HMGN2: variants seen among roughly 807,000 people sequenced by gnomAD.
The protein encoded by HMGN2 is high mobility group nucleosomal binding domain 2, also known as non-histone chromosomal protein HMG-17.
In HMGN2, 2 loss-of-function variants were observed where a neutral mutation model predicts 16.9. The observed-to-expected ratio is 0.12, with a 90% CI of 0.05 to 0.37. The LOEUF is 0.37. Among genes scored for constraint, HMGN2 ranks in the 10% least tolerant of loss-of-function variants. The pLI, the probability that HMGN2 is intolerant of heterozygous loss-of-function variation, is 1.00. For missense variants in HMGN2, 90 were observed against 106.0 expected, an observed-to-expected ratio of 0.85 and a Z score of 0.66; for synonymous variants, 31 against 34.9, an observed-to-expected ratio of 0.89 and a Z score of 0.39.
chr1:26,472,806 G>A (rs1249807355), intron 1 of HMGN2, among the ~76,000 whole-genome samples, 179 bp downstream of exon 1: 2 of 151,474 alleles, frequency 1.3e-5, no homozygotes, highest in African/African-American at 4.8e-5. Flanking sequence ...GCTGCCCGCG[G>A]GCGCCAGAGG....
rs1218975174 is a variant in HMGN2, at chr1:26,472,599, TCGCCGC to T, written c.-9_-4del. On this transcript the variant is annotated 5_prime_UTR_variant, in exon 1 of 6. Coordinates refer to ENST00000361427, the MANE Select transcript of HMGN2 (RefSeq NM_005517.4). The stretch of plus-strand genomic sequence containing the variant: ...GTCCAGCACCTACGTCCCGCTGCCG[TCGCCGC>T]CGCCACCATGCCCAAGAGAAAGGTA... 1.7e-5 allele frequency: 26 copies of T among 1,533,320 alleles called. No homozygotes were observed. Among genetic ancestry groups the T allele is most frequent in the East Asian group, 4.9e-5 (2 of 40,844 alleles). The allele number at this position is 1,533,320 out of a possible 1,614,324, so 95.0% of individuals were successfully genotyped here.
At chr1:26,474,435 A>G (rs1049853336) in intron 4 of HMGN2, 137 bp from the exon 5 acceptor site, 82 of 630,000 alleles carry the variant, frequency 1.3e-4, no homozygotes, top group African/African-American at 2.9e-4. Flanking sequence ...CCTAGTTTTG[A>G]TCAGTTGTTC....
chr1:26,473,941 A>G lies in HMGN2; in HGVS notation c.91-144A>G, dbSNP rs1570378719. 1.2e-5 allele frequency: 10 copies of G among 805,666 alleles called. No homozygotes were observed. In the East Asian group the frequency reaches 1.8e-4, roughly 15 times the overall value. 49.9% of individuals were successfully genotyped at this position (805,666 alleles called of 1,614,324 possible). A position where few individuals can be genotyped will look rare whatever the true frequency, so the allele number is the denominator to read the frequency against. On this transcript the variant is annotated intron_variant, in intron 3 of 5. Transcript: ENST00000361427. The stretch of plus-strand genomic sequence containing the variant: ...ATTTGAGTGGGCTTCTGGAAATCCA[A>G]CATTCTAGAAGAAAGCCAACCACAA...
chr1:26,476,609 T>C lies in HMGN2; in HGVS notation c.*1461T>C, dbSNP rs1177817696. Among the ~76,000 whole-genome samples, 1 of 152,244 alleles carries C rather than the reference T, an allele frequency of 6.6e-6. No homozygotes were observed. The highest frequency in any genetic ancestry group is 6.5e-5 in the Admixed American group (1 of 15,290). ...ATTTGCTTTCACAGACCTGGCTGTA[T>C]TGTTGGACAGGAATAAAGTAAATTG... On this transcript the variant is annotated 3_prime_UTR_variant, in exon 6 of 6. Coordinates refer to ENST00000361427, the MANE Select transcript of HMGN2 (RefSeq NM_005517.4).
At chr1:26,474,311 T>C (rs1335013561) in intron 4 of HMGN2, among the ~76,000 whole-genome samples, 176 bp downstream of exon 4, 1 of 152,208 alleles carries the variant, frequency 6.6e-6, no homozygotes, top group Non-Finnish European at 1.5e-5. Flanking sequence ...GTTGTTAGTT[T>C]ATAGGAAAAT....
Position 26,474,539 on chromosome 1 carries a change from G to A in HMGN2, c.142-33G>A, listed in dbSNP as rs766565262. 1.4e-5 allele frequency: 14 copies of A among 1,007,960 alleles called. No individual in the cohort carries two copies. In the Admixed American group the frequency reaches 1.5e-4, roughly 11 times the overall value. The allele number at this position is 1,007,960 out of a possible 1,614,324, so 62.4% of individuals were successfully genotyped here. A position where few individuals can be genotyped will look rare whatever the true frequency, so the allele number is the denominator to read the frequency against. ...ACCATACCTTGGTAATACGAAATGG[G>A]GAGAAACAGTTCTATTTTTTCCCCT... On this transcript the variant is annotated intron_variant, in intron 4 of 5. Coordinates refer to ENST00000361427, the MANE Select transcript of HMGN2 (RefSeq NM_005517.4).
chr1:26,474,208 T>C, intron 4 of HMGN2, 73 bp downstream of exon 4: 1 of 1,078,368 alleles, frequency 9.3e-7, no homozygotes, highest in Non-Finnish European at 1.4e-6. Flanking sequence ...TTAATTAGCA[T>C]AATGGTGCCT....
Position 26,473,694 on chromosome 1 carries a change from C to G in HMGN2, c.61-9C>G. The stretch of plus-strand genomic sequence containing the variant: ...GTCCTATTTCTAACTTTCTCGTTGT[C>G]TTTAATAGCCACAGAGAAGATCCGC... On this transcript the variant is annotated splice_polypyrimidine_tract_variant and intron_variant, in intron 2 of 5. Transcript: ENST00000361427. 2 of 1,613,958 alleles carry G rather than the reference C, an allele frequency of 1.2e-6. No homozygotes were observed. The highest frequency in any genetic ancestry group is 2.2e-5 in the East Asian group (1 of 44,884).
chr1:26,475,735 T>TA lies in HMGN2; in HGVS notation c.*590dup, dbSNP rs1389983991. 9.3e-6 allele frequency: 3 copies of TA among 324,246 alleles called. No individual in the cohort carries two copies. The highest frequency in any genetic ancestry group is 1.8e-5 in the Non-Finnish European group (3 of 165,494). 20.1% of individuals were successfully genotyped at this position (324,246 alleles called of 1,614,324 possible). ...TCAGGGTCGGCTTGTGAAAAGTTGT[T>TA]AAACAACATGCTAAATGTGAAATGT... On this transcript the variant is annotated 3_prime_UTR_variant, in exon 6 of 6. Coordinates refer to ENST00000361427, the MANE Select transcript of HMGN2 (RefSeq NM_005517.4).
At chr1:26,473,793 A>G (rs2075591268) in intron 3 of HMGN2, 61 bp downstream of exon 3, 15 of 1,499,520 alleles carry the variant, frequency 1.0e-5, no homozygotes, top group Admixed American at 8.4e-5. Flanking sequence ...TCAAAAAACA[A>G]TTCCCTTTGC....
At position 26,476,086 on chromosome 1, in the gene HMGN2, CTGA is replaced by C. The variant is rs2124572271; in HGVS notation, c.*940_*942del. The C allele has an allele frequency of 6.1e-6, 1 of 163,876 alleles. No homozygotes were observed. The highest frequency in any genetic ancestry group is 1.8e-4 in the East Asian group (1 of 5,444). 10.2% of individuals were successfully genotyped at this position (163,876 alleles called of 1,614,324 possible). On this transcript the variant is annotated 3_prime_UTR_variant, in exon 6 of 6. Transcript: ENST00000361427. ...TGTACAGTCTAATGATGATCTTTCA[CTGA>C]TTTATAGTCAGCTTCCAAAACACAC...
chr1:26,472,835 G>A (rs2075580866), intron 1 of HMGN2, among the ~76,000 whole-genome samples: 1 of 151,174 alleles, frequency 6.6e-6, no homozygotes, highest in Non-Finnish European at 1.5e-5. Context: ...GAGGAGCGGC[G>A]GCCGCGGCGG....
intron 1 of HMGN2, among the ~76,000 whole-genome samples, chr1:26,472,921 G>C (rs1199997115): frequency 6.6e-6 from 1 of 151,472 alleles, no homozygotes; most frequent in East Asian, 2.0e-4. Context: ...CTCCCCCATC[G>C]CGAGGGCCCC....
Position 26,472,494 on chromosome 1 carries a change from C to A in HMGN2, c.-119C>A, listed in dbSNP as rs1362071433. On this transcript the variant is annotated 5_prime_UTR_variant, in exon 1 of 6. Coordinates refer to ENST00000361427, the MANE Select transcript of HMGN2 (RefSeq NM_005517.4). ...CCAGCGCTATAAAAACTTTATAAACCCCCCGGAGCCCGAGCAGTGTGAAGA... is the reference window on the plus strand; with the variant it reads ...CCAGCGCTATAAAAACTTTATAAACACCCCGGAGCCCGAGCAGTGTGAAGA... The A allele has an allele frequency of 4.0e-6, 5 of 1,244,456 alleles. No homozygotes were observed. The South Asian group carries it at 5.1e-5, about 13-fold the overall frequency. 77.1% of individuals were successfully genotyped at this position (1,244,456 alleles called of 1,614,324 possible). A position where few individuals can be genotyped will look rare whatever the true frequency, so the allele number is the denominator to read the frequency against.
chr1:26,473,252 G>A (rs1017138523), intron 1 of HMGN2: 5 of 552,964 alleles, frequency 9.0e-6, no homozygotes, highest in Non-Finnish European at 1.6e-5. Context: ...CGGTGGTGCG[G>A]GCTCCGCTGC....
intron 1 of HMGN2, 56 bp downstream of exon 1, chr1:26,472,683 C>G: frequency 1.4e-6 from 2 of 1,465,826 alleles, no homozygotes; most frequent in South Asian, 2.5e-5. Flanking sequence ...CCGCCGCCGC[C>G]GCCTCCCTGG....
chr1:26,474,090 T>C lies in HMGN2; in HGVS notation c.96T>C (p.Pro32=). The C allele has an allele frequency of 6.2e-7, 1 of 1,611,398 alleles. No individual in the cohort carries two copies. The highest frequency in any genetic ancestry group is 1.1e-5 in the South Asian group (1 of 90,722). Residue 32 remains proline, a synonymous_variant, in exon 4 of 6, where the codon CCT becomes CCC. Coordinates refer to ENST00000361427, the MANE Select transcript of HMGN2 (RefSeq NM_005517.4). ...TCTCTTCCTGCCAAAAAAAGAAACC[T>C]GCTCCTCCAAAGCCAGAGCCCAAGC... ...QRRSARLSAK[P]APPKPEPKPK...
chr1:26,473,056 CGGT>C, intron 1 of HMGN2: 1 of 226,190 alleles, frequency 4.4e-6, no homozygotes, highest in Non-Finnish European at 8.6e-6. Context: ...GGGGCTTGTG[CGGT>C]ATGGCCCCGC....
intron 1 of HMGN2, chr1:26,473,266 C>G: frequency 1.7e-6 from 1 of 573,478 alleles, no homozygotes; most frequent in South Asian, 2.2e-5. Flanking sequence ...CCGCTGCCCT[C>G]CCCGGCTGCG....
Sources: gnomAD v4.1 joint callset for allele counts (sites outside exome capture counted in the v4.1 genomes callset) on GRCh38, gnomAD v4.1.1 for gene constraint, MANE v1.5 for transcripts, NCBI Gene and HGNC (gene_info 2026-07-23, HGNC 2026-07-21) for gene names.